HERC1: variants seen among roughly 807,000 people sequenced by gnomAD.
The protein encoded by HERC1 is probable E3 ubiquitin-protein ligase HERC1.
HERC1 carries 160 observed loss-of-function variants against 554.3 expected under a neutral mutation model. The observed-to-expected ratio is 0.29, with a 90% confidence interval of 0.25 to 0.33. The LOEUF is 0.33. HERC1 is among the 10% of genes least tolerant of loss of function. The pLI, the probability that HERC1 is intolerant of heterozygous loss-of-function variation, is 1.00. For synonymous variants in HERC1, 2,175 were observed against 2,131.7 expected, an observed-to-expected ratio of 1.02 and a Z score of -0.56; for missense variants, 4,919 against 5,918.5, an observed-to-expected ratio of 0.83 and a Z score of 5.54.
intron 24 of HERC1, 85 bp downstream of exon 24, chr15:63,712,690 A>G: frequency 8.0e-7 from 1 of 1,251,648 alleles, no homozygotes; most frequent in Non-Finnish European, 1.1e-6. Flanking sequence ...TCTAAAACAA[A>G]CATATTACTT....
In HERC1 at chr15:63,692,580, A is replaced by G; in HGVS notation, c.5675-14T>C. 6.3e-7 allele frequency: 1 copy of G among 1,586,870 alleles called. No individual in the cohort carries two copies. Among genetic ancestry groups the G allele is most frequent in the Non-Finnish European group, 8.5e-7 (1 of 1,170,238 alleles). On this transcript the variant is annotated splice_polypyrimidine_tract_variant and intron_variant, in intron 30 of 77. Coordinates refer to ENST00000443617, the MANE Select transcript of HERC1 (RefSeq NM_003922.4). The surrounding 1 kb of genome is among the most constrained non-coding windows in gnomAD (Gnocchi z 4.7). ...TCCTAAGAGCAGCTACAGTGAAGAG[A>G]CAAGTTTACGTTACAACCAAGAGCC...
Position 63,624,307 on chromosome 15 carries a change from A to G in HERC1, c.13296T>C (p.Asn4432=), listed in dbSNP as rs2068207538. The G allele has an allele frequency of 6.2e-7, 1 of 1,610,786 alleles. No homozygotes were observed. The stretch of plus-strand genomic sequence containing the variant: ...CCTGTACAATGCCCCAAGTTCCAGC[A>G]TTATAATGGGATGTGCTGTTCTGTA... The part of the protein sequence containing the change: ...PNNQNSTSHY[N]AGTWGIVQGQ... Residue 4432 remains asparagine (N), a synonymous_variant, in exon 72 of 78, where the codon AAT becomes AAC. Transcript: ENST00000443617.
intron 49 of HERC1, 21 bp from the exon 50 acceptor site, chr15:63,655,976 A>C: frequency 6.2e-7 from 1 of 1,601,518 alleles, no homozygotes; most frequent in Non-Finnish European, 8.5e-7. Context: ...AATTGGAAAA[A>C]CAGACTTAAT....
chr15:63,794,068 A>G (rs148354835), intron 1 of HERC1, among the ~76,000 whole-genome samples: 5 of 152,208 alleles, frequency 3.3e-5, no homozygotes, highest in African/African-American at 9.6e-5. Context: ...GACAGTTTAC[A>G]AATCCCATGG....
intron 2 of HERC1, among the ~76,000 whole-genome samples, chr15:63,764,804 A>C (rs1423669664): frequency 6.6e-6 from 1 of 152,194 alleles, no homozygotes; most frequent in Non-Finnish European, 1.5e-5. Context: ...GTCTCCCAAC[A>C]GACAGAAAAA....
chr15:63,813,806 G>A (rs189553073), intron 1 of HERC1, among the ~76,000 whole-genome samples: 1 of 152,252 alleles, frequency 6.6e-6, no homozygotes, highest in East Asian at 1.9e-4. Context: ...GGTGGCTCGC[G>A]CCTGTAATCC....
intron 76 of HERC1, among the ~76,000 whole-genome samples, chr15:63,613,597 C>T (rs921473952): frequency 6.6e-6 from 1 of 152,026 alleles, no homozygotes; most frequent in Non-Finnish European, 1.5e-5. Context: ...CTATAATAAC[C>T]TTTTTACTAT....
Position 63,656,430 on chromosome 15 carries a change from A to C in HERC1, c.9600-72T>G, listed in dbSNP as rs2070039732. ...CTTAAGGGACCATTTGCAGTCCCAC[A>C]TAACATTCACAGCATCAACAACCAT... is the stretch of plus-strand genomic sequence containing the variant. On this transcript the variant is annotated intron_variant, in intron 48 of 77. Transcript: ENST00000443617. 11 of 1,307,684 alleles carry C rather than the reference A, an allele frequency of 8.4e-6. No individual in the cohort carries two copies. In the East Asian group the frequency reaches 2.3e-4, roughly 28 times the overall value. 81.0% of individuals were successfully genotyped at this position (1,307,684 alleles called of 1,614,324 possible).
Position 63,677,901 on chromosome 15 carries a change from G to A in HERC1, c.7014C>T (p.Val2338=). ...TGRHATLLGV[V]KEGSTSAKVQ... is the part of the protein sequence containing the mutation. ...CCTTGGCAGACGTGCTGCCCTCTTT[G>A]ACCACTCCCAGCAGCGTGGCATGGC... The change falls in exon 37 of 78, where the codon GTC becomes GTT. Residue 2338 remains valine (V), a synonymous_variant. Coordinates refer to ENST00000443617, the MANE Select transcript of HERC1 (RefSeq NM_003922.4). The surrounding 1 kb of genome is among the most constrained non-coding windows in gnomAD (Gnocchi z 4.4). The A allele has an allele frequency of 6.2e-7, 1 of 1,613,900 alleles. No homozygotes were observed. The highest frequency in any genetic ancestry group is 8.5e-7 in the Non-Finnish European group (1 of 1,179,872).
chr15:63,690,147 A>G (rs2072021799), intron 32 of HERC1, among the ~76,000 whole-genome samples: 3 of 149,348 alleles, frequency 2.0e-5, no homozygotes, highest in Admixed American at 6.7e-5. Flanking sequence ...AGGCTGGGCG[A>G]CAGAGCGAGA....
chr15:63,816,435 C>A (rs1178093205), intron 1 of HERC1, among the ~76,000 whole-genome samples: 1 of 152,170 alleles, frequency 6.6e-6, no homozygotes, highest in Non-Finnish European at 1.5e-5. Flanking sequence ...AAGGTCTGTT[C>A]TCAAGTTCAT....
intron 37 of HERC1, 113 bp from the exon 38 acceptor site, chr15:63,675,230 TA>T (rs1244516721): frequency 2.5e-6 from 2 of 804,642 alleles, no homozygotes; most frequent in Non-Finnish European, 1.9e-6. Context: ...ATACAGAGAA[TA>T]ATTTACACAA....
Position 63,723,266 on chromosome 15 carries a change from C to T in HERC1, c.3658G>A (p.Val1220Ile). The T allele has an allele frequency of 6.3e-7, 1 of 1,598,354 alleles. No homozygotes were observed. The highest frequency in any genetic ancestry group is 8.5e-7 in the Non-Finnish European group (1 of 1,171,446). The change falls in exon 19 of 78, where the codon GTC becomes ATC. Residue 1220 changes from valine to isoleucine, a missense_variant. Val to Ile is a conservative substitution (Grantham distance 29). Coordinates refer to ENST00000443617, the MANE Select transcript of HERC1 (RefSeq NM_003922.4). Reference sequence around the variant, plus strand: ...CAACCCAATGCCAAGTCTACATAGACAGCAATTTCAGGCCGCAATTTATAA... The same window carrying T: ...CAACCCAATGCCAAGTCTACATAGATAGCAATTTCAGGCCGCAATTTATAA... ...FDYKLRPEIAVYVDLALGCSK... is the reference protein window; with the variant it reads ...FDYKLRPEIAIYVDLALGCSK...
intron 74 of HERC1, among the ~76,000 whole-genome samples, chr15:63,621,239 T>C (rs1459006910): frequency 6.6e-6 from 1 of 152,032 alleles, no homozygotes; most frequent in Non-Finnish European, 1.5e-5. Context: ...ATTTTATTTC[T>C]CCTTCACTTA....
At chr15:63,812,266 C>T (rs1001052405) in intron 1 of HERC1, among the ~76,000 whole-genome samples, 4 of 152,200 alleles carry the variant, frequency 2.6e-5, no homozygotes, top group Non-Finnish European at 5.9e-5. Flanking sequence ...AAGACACAAC[C>T]TTCCATCTCT....
intron 65 of HERC1, among the ~76,000 whole-genome samples, chr15:63,635,633 C>T (rs2068747710): frequency 6.6e-6 from 1 of 152,162 alleles, no homozygotes; most frequent in Non-Finnish European, 1.5e-5. Flanking sequence ...GCAAAGTTTT[C>T]CTTTTATCTG....
chr15:63,739,940 T>A (rs548740084), intron 12 of HERC1, among the ~76,000 whole-genome samples: 1 of 152,006 alleles, frequency 6.6e-6, no homozygotes, highest in Admixed American at 6.5e-5. Context: ...AGACAGAGTC[T>A]CACTCTGTTG....
intron 67 of HERC1, 87 bp from the exon 68 acceptor site, chr15:63,632,898 C>T (rs914562063): frequency 2.4e-6 from 2 of 849,266 alleles, no homozygotes; most frequent in Admixed American, 2.5e-5. Flanking sequence ...CAAGAACTAC[C>T]TTCCAACAAA....
intron 22 of HERC1, among the ~76,000 whole-genome samples, chr15:63,714,949 T>C (rs1288958683): frequency 6.6e-6 from 1 of 152,148 alleles, no homozygotes; most frequent in Non-Finnish European, 1.5e-5. Context: ...GATCTGTATA[T>C]TTTATAAAAT....
Sources: gnomAD v4.1 joint callset for allele counts (sites outside exome capture counted in the v4.1 genomes callset) on GRCh38, gnomAD v4.1.1 for gene constraint, Gnocchi (gnomAD v3.1) non-coding constraint, MANE v1.5 for transcripts, NCBI Gene and HGNC (gene_info 2026-07-23, HGNC 2026-07-21) for gene names.